The following DAB1 variants were observed in gnomAD, a reference collection of about 807,000 sequenced individuals.
The protein encoded by DAB1 is disabled homolog 1.
DAB1 carries 15 observed loss-of-function variants against 64.6 expected under a neutral mutation model. The observed-to-expected ratio is 0.23, with a 90% CI of 0.16 to 0.36. The LOEUF is 0.36. Ranked by LOEUF, DAB1 falls within the 10% of genes least tolerant of loss-of-function variation. DAB1 has a pLI of 1.00. For synonymous variants in DAB1, 235 were observed against 251.9 expected, an observed-to-expected ratio of 0.93 and a Z score of 0.64; for missense variants, 596 against 706.7, an observed-to-expected ratio of 0.84 and a Z score of 1.78.
chr1:58,227,026 T>C (rs1345949605), intron 4 of DAB1, among the ~76,000 whole-genome samples: 1 of 152,210 alleles, frequency 6.6e-6, no homozygotes, highest in Non-Finnish European at 1.5e-5. Context: ...GATATTATTA[T>C]CCCACTTTAT....
rs556822160 is a variant in DAB1, at chr1:57,016,837, C to T, written c.896-1406G>A. On this transcript the variant is annotated intron_variant, in intron 11 of 14. Coordinates refer to ENST00000371236, the MANE Select transcript of DAB1 (RefSeq NM_001365792.1). ...CTTATTAAATGCCTACAACACGCCA[C>T]GTACACTAGTAGGTGTTTTATGTCT... 4.6e-5 allele frequency among the ~76,000 whole-genome samples: 7 copies of T among 152,284 alleles called. No individual in the cohort carries two copies. The South Asian group carries it at 1.0e-3, about 23-fold the overall frequency.
intron 4 of DAB1, among the ~76,000 whole-genome samples, chr1:57,112,091 C>T (rs989164437): frequency 3.9e-5 from 6 of 152,162 alleles, no homozygotes; most frequent in African/African-American, 1.4e-4. Context: ...GACATTCTTG[C>T]TGTCATATTT....
At chr1:58,524,650 T>C (rs1336530962) in intron 2 of DAB1, among the ~76,000 whole-genome samples, 1 of 152,234 alleles carries the variant, frequency 6.6e-6, no homozygotes, top group Non-Finnish European at 1.5e-5. Flanking sequence ...GATTCGTTTA[T>C]GTTGAAATGG....
intron 3 of DAB1, among the ~76,000 whole-genome samples, chr1:58,438,412 T>A (rs541656257): frequency 3.3e-5 from 5 of 152,142 alleles, no homozygotes; most frequent in Non-Finnish European, 5.9e-5. Flanking sequence ...GTTAGCCATA[T>A]GAAATGGGCT....
intron 4 of DAB1, among the ~76,000 whole-genome samples, chr1:58,308,304 C>T (rs577891633): frequency 6.6e-6 from 1 of 152,206 alleles, no homozygotes; most frequent in South Asian, 2.1e-4. Flanking sequence ...GATATTTACT[C>T]CTTTGGATGA....
intron 5 of DAB1, among the ~76,000 whole-genome samples, chr1:57,968,263 G>T (rs1296001728): frequency 1.3e-5 from 2 of 152,066 alleles, no homozygotes; most frequent in African/African-American, 4.8e-5. Context: ...AAGCTTTTGA[G>T]ATAGATTAAA....
chr1:58,224,899 G>A (rs569799427), intron 4 of DAB1, among the ~76,000 whole-genome samples: 71 of 151,750 alleles, frequency 4.7e-4, no homozygotes, highest in Non-Finnish European at 5.9e-4. Flanking sequence ...ACATAGGCAT[G>A]GGCAAGGACT....
chr1:57,329,029 G>C (rs931126016), intron 1 of DAB1, among the ~76,000 whole-genome samples: 3 of 152,182 alleles, frequency 2.0e-5, no homozygotes, highest in African/African-American at 7.2e-5. Context: ...ATCCCAGCCT[G>C]ATCTTCCTGC....
At chr1:57,773,009 A>G (rs904694247) in intron 6 of DAB1, among the ~76,000 whole-genome samples, 1 of 152,114 alleles carries the variant, frequency 6.6e-6, no homozygotes, top group African/African-American at 2.4e-5. Flanking sequence ...GGAATAATGT[A>G]TGTATAAACC....
At chr1:57,238,771 T>C (rs188345842) in intron 2 of DAB1, among the ~76,000 whole-genome samples, 1 of 151,576 alleles carries the variant, frequency 6.6e-6, no homozygotes, top group African/African-American at 2.4e-5. Flanking sequence ...TCTATAGTAC[T>C]GGGCAGAAAT....
intron 1 of DAB1, among the ~76,000 whole-genome samples, chr1:57,404,762 G>T (rs1350524244): frequency 6.6e-6 from 1 of 152,112 alleles, no homozygotes; most frequent in Non-Finnish European, 1.5e-5. Context: ...AACACTAGAA[G>T]TTTTCATATT....
chr1:57,425,284 G>A (rs1019713802), upstream of DAB1, among the ~76,000 whole-genome samples: 9 of 152,076 alleles, frequency 5.9e-5, no homozygotes, highest in African/African-American at 1.9e-4. Flanking sequence ...CTCTTTTTGG[G>A]GCTACACTCC....
At chr1:57,713,719 G>T (rs1647052194) in intron 6 of DAB1, among the ~76,000 whole-genome samples, 1 of 152,228 alleles carries the variant, frequency 6.6e-6, no homozygotes, top group Non-Finnish European at 1.5e-5. Context: ...GAGTATGGAT[G>T]TTGGACTCAA....
At chr1:57,367,163 T>C (rs1330233322) in intron 1 of DAB1, among the ~76,000 whole-genome samples, 1 of 151,736 alleles carries the variant, frequency 6.6e-6, no homozygotes, top group African/African-American at 2.4e-5. Context: ...TAATCCTAGT[T>C]ACCTGGGAGG....
At chr1:58,324,017 A>C (rs1057009988) in intron 4 of DAB1, among the ~76,000 whole-genome samples, 1 of 152,112 alleles carries the variant, frequency 6.6e-6, no homozygotes, top group Admixed American at 6.5e-5. Flanking sequence ...GTTACATTTC[A>C]AAATTTTCTT....
At chr1:58,094,704 A>G (rs954437149) in intron 5 of DAB1, among the ~76,000 whole-genome samples, 2 of 152,224 alleles carry the variant, frequency 1.3e-5, no homozygotes, top group Non-Finnish European at 1.5e-5. Context: ...TCTCTCTATC[A>G]TAACACCTCT....
intron 1 of DAB1, among the ~76,000 whole-genome samples, chr1:58,535,488 C>T (rs1646501808): frequency 6.7e-6 from 1 of 149,756 alleles, no homozygotes. Flanking sequence ...CCCAGCTACT[C>T]GGGAGGCTGA....
intron 2 of DAB1, among the ~76,000 whole-genome samples, chr1:57,182,048 G>T (rs1051296900): frequency 4.6e-5 from 7 of 152,080 alleles, no homozygotes; most frequent in Admixed American, 6.6e-5. Flanking sequence ...ACCACGCCCA[G>T]CTGATTTTTT....
chr1:57,516,547 G>A (rs910928741), intron 7 of DAB1, among the ~76,000 whole-genome samples: 12 of 152,160 alleles, frequency 7.9e-5, no homozygotes, highest in Non-Finnish European at 1.5e-4. Flanking sequence ...ATGACACGTT[G>A]AGAACAATAA....
Sources: gnomAD v4.1 joint callset for allele counts (sites outside exome capture counted in the v4.1 genomes callset) on GRCh38, gnomAD v4.1.1 for gene constraint, MANE v1.5 for transcripts, NCBI Gene and HGNC (gene_info 2026-07-23, HGNC 2026-07-21) for gene names.